SNX29: variants seen among roughly 807,000 people sequenced by gnomAD.
The protein encoded by SNX29 is sorting nexin-29.
Under a neutral mutation model 102.1 loss-of-function variants are expected in SNX29, and 78 were observed. The ratio of observed to expected loss-of-function variants is 0.76; its 90% CI spans 0.64 to 0.92. The LOEUF (loss-of-function observed/expected upper bound fraction) is 0.92. Among genes scored for constraint, SNX29 ranks in the 40% least tolerant of loss-of-function variants. The pLI, the probability that SNX29 is intolerant of heterozygous loss-of-function variation, is 0.00. For synonymous variants in SNX29, 580 were observed against 414.5 expected, an observed-to-expected ratio of 1.40 and a Z score of -4.85; for missense variants, 1,280 against 1,061.7, an observed-to-expected ratio of 1.21 and a Z score of -2.86.
chr16:12,496,624 C>A (rs144211189), intron 19 of SNX29, among the ~76,000 whole-genome samples: 2 of 151,308 alleles, frequency 1.3e-5, no homozygotes, highest in East Asian at 3.9e-4. Context: ...AGTTCTCCTG[C>A]GTCAGCCTCC....
chr16:12,076,819 G>A (rs1039689602), intron 10 of SNX29, among the ~76,000 whole-genome samples: 6 of 152,040 alleles, frequency 3.9e-5, no homozygotes, highest in Admixed American at 6.6e-5. Context: ...CCTGACTACC[G>A]TAAACCATAT....
intron 20 of SNX29, among the ~76,000 whole-genome samples, chr16:12,538,277 G>C (rs2077168119): frequency 6.6e-6 from 1 of 152,030 alleles, no homozygotes; most frequent in Admixed American, 6.6e-5. Context: ...CACCACACCT[G>C]GCTAATTTTG....
At chr16:12,550,988 C>G (rs1364968996) in intron 20 of SNX29, among the ~76,000 whole-genome samples, 1 of 152,158 alleles carries the variant, frequency 6.6e-6, no homozygotes, top group African/African-American at 2.4e-5. Context: ...AAAGCTGTTT[C>G]TCAATCTAAA....
intron 19 of SNX29, among the ~76,000 whole-genome samples, chr16:12,522,339 T>TG (rs2090133001): frequency 7.3e-6 from 1 of 137,656 alleles, no homozygotes; most frequent in African/African-American, 2.9e-5. Flanking sequence ...CAAAGGTGCC[T>TG]CTCAAGAAAG....
At chr16:12,269,930 G>A (rs2079042294) in intron 14 of SNX29, among the ~76,000 whole-genome samples, 4 of 151,830 alleles carry the variant, frequency 2.6e-5, no homozygotes. Flanking sequence ...GTGCGATCTT[G>A]GGTCGCTGCA....
intron 3 of SNX29, among the ~76,000 whole-genome samples, chr16:12,020,807 A>G (rs897559913): frequency 1.3e-5 from 2 of 151,914 alleles, no homozygotes; most frequent in Non-Finnish European, 1.5e-5. Context: ...TATTTTTAGT[A>G]GAGATGGGGT....
chr16:11,995,832 T>A (rs1018148364), intron 1 of SNX29, among the ~76,000 whole-genome samples: 3 of 149,212 alleles, frequency 2.0e-5, no homozygotes, highest in Non-Finnish European at 4.5e-5. Context: ...GAGGCCGAGG[T>A]GGGTGGATCA....
chr16:12,262,839 C>G (rs150339529), intron 14 of SNX29, among the ~76,000 whole-genome samples: 1,918 of 152,338 alleles, frequency 0.013, 10 homozygotes, highest in Non-Finnish European at 0.018. Flanking sequence ...CAGAGTTGTG[C>G]AACCATCACC....
chr16:12,542,956 C>T (rs570854663), intron 20 of SNX29, among the ~76,000 whole-genome samples: 4 of 152,174 alleles, frequency 2.6e-5, no homozygotes, highest in African/African-American at 7.2e-5. Flanking sequence ...TAGCTTGAAG[C>T]AGAAAAGAAG....
At position 12,078,920 on chromosome 16, in the gene SNX29, G is replaced by A; in HGVS notation, c.1402+5G>A. Reference sequence around the variant, plus strand: ...TGCCAGAGTCCATGACAATTAGTAAGTACTTTCGCAGCCCCCTCCACCAGC... The same window carrying A: ...TGCCAGAGTCCATGACAATTAGTAAATACTTTCGCAGCCCCCTCCACCAGC... On this transcript the variant is annotated splice_donor_5th_base_variant and intron_variant, in intron 11 of 20. Coordinates refer to ENST00000566228, the MANE Select transcript of SNX29 (RefSeq NM_032167.5). 1 of 1,595,422 alleles carries A rather than the reference G, an allele frequency of 6.3e-7. No homozygotes were observed. Among genetic ancestry groups the A allele is most frequent in the Non-Finnish European group, 8.5e-7 (1 of 1,170,890 alleles).
At chr16:12,329,001 A>G (rs951292860) in intron 15 of SNX29, among the ~76,000 whole-genome samples, 1 of 151,950 alleles carries the variant, frequency 6.6e-6, no homozygotes, top group Non-Finnish European at 1.5e-5. Flanking sequence ...GCCAGGCATG[A>G]TGGCTCACAC....
chr16:12,143,808 C>T (rs1462582250), intron 13 of SNX29, among the ~76,000 whole-genome samples: 2 of 152,114 alleles, frequency 1.3e-5, no homozygotes, highest in East Asian at 1.9e-4. Context: ...GGTTGAAGAG[C>T]GAAATATGTT....
chr16:12,536,591 G>C (rs923267888), intron 20 of SNX29, among the ~76,000 whole-genome samples: 3 of 152,184 alleles, frequency 2.0e-5, no homozygotes, highest in African/African-American at 7.2e-5. Context: ...ACCTAGCACA[G>C]AGAACGCACT....
intron 15 of SNX29, among the ~76,000 whole-genome samples, chr16:12,294,286 G>T (rs2079903560): frequency 6.6e-6 from 1 of 152,138 alleles, no homozygotes; most frequent in African/African-American, 2.4e-5. Flanking sequence ...CTTGGGTGAG[G>T]TGCCTGCTGT....
At position 12,221,448 on chromosome 16, in the gene SNX29, C is replaced by T. The variant is rs149219656; in HGVS notation, c.1678+21765C>T. Among the ~76,000 whole-genome samples, 529 of 152,278 alleles carry T rather than the reference C, an allele frequency of 3.5e-3. 2 individuals carry two copies. Among genetic ancestry groups the T allele is most frequent in the African/African-American group, 0.012 (508 of 41,542 alleles). On this transcript the variant is annotated intron_variant, in intron 14 of 20. Coordinates refer to ENST00000566228, the MANE Select transcript of SNX29 (RefSeq NM_032167.5). The stretch of plus-strand genomic sequence containing the variant: ...TGGCCATCATGGTAAAACCCCATCT[C>T]TACTAAAAATACAAAATTAGCTGGG...
intron 20 of SNX29, among the ~76,000 whole-genome samples, chr16:12,528,523 G>C (rs764867331): frequency 6.6e-6 from 1 of 152,160 alleles, no homozygotes; most frequent in Non-Finnish European, 1.5e-5. Flanking sequence ...AAAATCAGAA[G>C]AATTGGTCAC....
At chr16:12,483,115 T>G (rs947891189) in intron 19 of SNX29, among the ~76,000 whole-genome samples, 1 of 54,750 alleles carries the variant, frequency 1.8e-5, no homozygotes, top group Admixed American at 1.9e-4. Context: ...AGTTATTAAG[T>G]TTTTTTTTTT....
chr16:12,065,518 T>G (rs8056884), intron 9 of SNX29, among the ~76,000 whole-genome samples: 1,679 of 152,296 alleles, frequency 0.011, 31 homozygotes, highest in African/African-American at 0.037. Flanking sequence ...ACCCTTTGTT[T>G]CCCCATCAAG....
intron 14 of SNX29, among the ~76,000 whole-genome samples, chr16:12,260,211 T>C (rs1438032108): frequency 6.6e-6 from 1 of 152,254 alleles, no homozygotes; most frequent in South Asian, 2.1e-4. Context: ...TGACCTTGGG[T>C]TTCAGGGATG....
Sources: gnomAD v4.1 joint callset for allele counts (sites outside exome capture counted in the v4.1 genomes callset) on GRCh38, gnomAD v4.1.1 for gene constraint, MANE v1.5 for transcripts, NCBI Gene and HGNC (gene_info 2026-07-23, HGNC 2026-07-21) for gene names.